The following UBE2E2 variants were observed in gnomAD, a reference collection of about 807,000 sequenced individuals.
UBE2E2 encodes the protein ubiquitin-conjugating enzyme E2 E2.
UBE2E2 carries 6 observed loss-of-function variants against 24.7 expected under a neutral mutation model. The ratio of observed to expected loss-of-function variants is 0.24; its 90% confidence interval spans 0.13 to 0.48. The LOEUF (loss-of-function observed/expected upper bound fraction) is 0.48, where lower values mean the gene tolerates loss of function less well. Among genes scored for constraint, UBE2E2 ranks in the 20% least tolerant of loss-of-function variants. The probability of loss-of-function intolerance (pLI) is 0.99; values close to 1 mark genes in which losing one functional copy is unlikely to be tolerated. For missense variants in UBE2E2, 169 were observed against 245.0 expected (o/e 0.69, Z 2.07); for synonymous variants, 104 against 83.6 (o/e 1.24, Z -1.33).
intron 3 of UBE2E2, among the ~76,000 whole-genome samples, chr3:23,425,632 A>G (rs1162386470): frequency 7.2e-5 from 11 of 152,170 alleles, no homozygotes; most frequent in African/African-American, 2.7e-4. Flanking sequence ...TGCAGGAATC[A>G]GCATCACAGT....
intron 3 of UBE2E2, among the ~76,000 whole-genome samples, chr3:23,405,777 GTTAATA>G (rs1004510977): frequency 2.6e-5 from 4 of 152,252 alleles, no homozygotes; most frequent in African/African-American, 9.6e-5. Flanking sequence ...GATAATAAAG[GTTAATA>G]TTAATAATGA....
Position 23,211,663 on chromosome 3 carries a change from T to A in UBE2E2, c.176+2788T>A, listed in dbSNP as rs147973819. Reference sequence around the variant, plus strand: ...CTCCTGCCTTGGTCTCTCAAAGTGTTGGAATTACAGGCATGAACCACTGTG... The same window carrying A: ...CTCCTGCCTTGGTCTCTCAAAGTGTAGGAATTACAGGCATGAACCACTGTG... On this transcript the variant is annotated intron_variant, in intron 2 of 5. Transcript: ENST00000396703. 2.4e-4 allele frequency among the ~76,000 whole-genome samples: 36 copies of A among 152,240 alleles called. No individual in the cohort carries two copies. In the East Asian group the frequency reaches 6.9e-3, roughly 29 times the overall value.
At chr3:23,399,246 T>G (rs1448636281) in intron 3 of UBE2E2, among the ~76,000 whole-genome samples, 1 of 152,224 alleles carries the variant, frequency 6.6e-6, no homozygotes, top group East Asian at 1.9e-4. Context: ...AGTTTATGCC[T>G]TCTCTTTGGC....
intron 5 of UBE2E2, among the ~76,000 whole-genome samples, chr3:23,556,895 T>C (rs1051107650): frequency 2.6e-5 from 4 of 152,222 alleles, no homozygotes; most frequent in African/African-American, 7.2e-5. Flanking sequence ...CTATCCGTAA[T>C]GTACAGTAAG....
At chr3:23,352,441 A>G (rs1238692370) in intron 3 of UBE2E2, among the ~76,000 whole-genome samples, 10 of 152,236 alleles carry the variant, frequency 6.6e-5, no homozygotes, top group Non-Finnish European at 1.0e-4. Context: ...TAATGAATCC[A>G]GGAGCTGGTT....
At chr3:23,371,378 C>T (rs991023524) in intron 3 of UBE2E2, among the ~76,000 whole-genome samples, 2 of 152,114 alleles carry the variant, frequency 1.3e-5, no homozygotes, top group Non-Finnish European at 2.9e-5. Flanking sequence ...AATACCCATA[C>T]CCTGCAGCAT....
intron 5 of UBE2E2, among the ~76,000 whole-genome samples, chr3:23,556,351 C>T (rs1272261212): frequency 1.3e-5 from 2 of 148,440 alleles, no homozygotes; most frequent in Non-Finnish European, 3.0e-5. Context: ...CCATGTTGGC[C>T]AGGATGGTCT....
intron 3 of UBE2E2, among the ~76,000 whole-genome samples, chr3:23,414,924 G>A (rs903377879): frequency 6.6e-6 from 1 of 152,162 alleles, no homozygotes. Context: ...ATAAATTTCT[G>A]TTGTTTATAA....
At chr3:23,403,973 T>C (rs532393177) in intron 3 of UBE2E2, among the ~76,000 whole-genome samples, 13 of 152,266 alleles carry the variant, frequency 8.5e-5, no homozygotes, top group East Asian at 5.8e-4. Context: ...CATTTTGCCT[T>C]CTTCTTCCTG....
intron 3 of UBE2E2, among the ~76,000 whole-genome samples, chr3:23,387,939 A>G (rs1433917839): frequency 6.6e-6 from 1 of 152,192 alleles, no homozygotes; most frequent in East Asian, 1.9e-4. Context: ...ATACTGCAAA[A>G]TTACAGAAGA....
chr3:23,220,559 T>C (rs1696603751), intron 3 of UBE2E2, among the ~76,000 whole-genome samples: 1 of 152,226 alleles, frequency 6.6e-6, no homozygotes, highest in South Asian at 2.1e-4. Context: ...TATATTTTTC[T>C]TGGCCTTAAC....
chr3:23,491,639 G>A (rs914677872), intron 3 of UBE2E2, among the ~76,000 whole-genome samples: 5 of 152,200 alleles, frequency 3.3e-5, no homozygotes, highest in East Asian at 3.9e-4. Flanking sequence ...GGATGGCAAG[G>A]GATGGGACCA....
intron 3 of UBE2E2, among the ~76,000 whole-genome samples, chr3:23,483,347 A>G (rs1035246243): frequency 5.3e-5 from 8 of 152,228 alleles, no homozygotes; most frequent in Non-Finnish European, 1.5e-5. Flanking sequence ...TAATACTTAG[A>G]TTTTTAAAGA....
chr3:23,532,024 T>C (rs1695133811), intron 4 of UBE2E2, among the ~76,000 whole-genome samples: 1 of 146,836 alleles, frequency 6.8e-6, no homozygotes, highest in African/African-American at 2.5e-5. Context: ...ATCACGCCAC[T>C]GCACTCCAGC....
intron 3 of UBE2E2, among the ~76,000 whole-genome samples, chr3:23,277,503 C>T (rs1244741277): frequency 6.6e-6 from 1 of 152,092 alleles, no homozygotes; most frequent in Non-Finnish European, 1.5e-5. Flanking sequence ...AAAACCACTG[C>T]TTACTTTTTC....
intron 3 of UBE2E2, among the ~76,000 whole-genome samples, chr3:23,305,748 C>T (rs1370260545): frequency 6.6e-6 from 1 of 151,908 alleles, no homozygotes; most frequent in African/African-American, 2.4e-5. Flanking sequence ...TTATTTTTTA[C>T]AGACAGGCTC....
chr3:23,366,323 A>G (rs1575588770), intron 3 of UBE2E2, among the ~76,000 whole-genome samples: 1 of 152,184 alleles, frequency 6.6e-6, no homozygotes, highest in African/African-American at 2.4e-5. Context: ...ATATACCTGA[A>G]GGAATATAAA....
At chr3:23,455,933 A>G (rs1469264644) in intron 3 of UBE2E2, among the ~76,000 whole-genome samples, 2 of 152,200 alleles carry the variant, frequency 1.3e-5, no homozygotes, top group African/African-American at 4.8e-5. Flanking sequence ...TAGCATGAAC[A>G]GTTGTTTGGC....
intron 3 of UBE2E2, among the ~76,000 whole-genome samples, chr3:23,360,104 G>A (rs1696070002): frequency 6.6e-6 from 1 of 152,226 alleles, no homozygotes; most frequent in African/African-American, 2.4e-5. Context: ...CAAATGGAAA[G>A]GCCCCATAAT....
Sources: allele counts gnomAD v4.1 joint callset (sites outside exome capture counted in the v4.1 genomes callset), GRCh38; gene constraint gnomAD v4.1.1; transcripts MANE v1.5; gene names NCBI Gene and HGNC (gene_info 2026-07-23, HGNC 2026-07-21).